Variants in RXRA observed in about 807,000 individuals in gnomAD.
RXRA encodes retinoid X receptor alpha.
A neutral mutation model predicts 44.5 loss-of-function variants in RXRA; 5 were observed. The ratio of observed to expected loss-of-function variants is 0.11; its 90% CI spans 0.06 to 0.24. The LOEUF is 0.24. Ranked by LOEUF, RXRA falls within the 10% of genes least tolerant of loss-of-function variation. The pLI is 1.00. For missense variants in RXRA, 412 were observed against 646.5 expected (o/e 0.64, Z 3.93); for synonymous variants, 291 against 271.4 (o/e 1.07, Z -0.71).
chr9:134,401,669 G>C lies in RXRA; in HGVS notation c.66G>C (p.Pro22=). ...STQVNSSLTS[P]TGRGSMAAPS... ...AGGTGAACTCCTCCCTCACCTCCCC[G>C]ACGGGGCGAGGCTCCATGGCTGCCC... is the stretch of plus-strand genomic sequence containing the variant. The change falls in exon 2 of 10, where the codon CCG becomes CCC. Residue 22 remains proline (P), a synonymous_variant. Coordinates refer to ENST00000481739, the MANE Select transcript of RXRA (RefSeq NM_002957.6). The C allele has an allele frequency of 6.2e-7, 1 of 1,612,968 alleles. No homozygotes were observed. Among genetic ancestry groups the C allele is most frequent in the Non-Finnish European group, 8.5e-7 (1 of 1,179,928 alleles).
chr9:134,341,557 G>A (rs879985162), intron 1 of RXRA, among the ~76,000 whole-genome samples: 11 of 152,162 alleles, frequency 7.2e-5, no homozygotes, highest in African/African-American at 2.7e-4. Flanking sequence ...ATAGGCCCCC[G>A]CCCTCCAGTC....
At position 134,407,631 on chromosome 9, in the gene RXRA, C is replaced by T. The variant is rs1831074965; in HGVS notation, c.280-518C>T. On this transcript the variant is annotated intron_variant, in intron 2 of 9. Coordinates refer to ENST00000481739, the MANE Select transcript of RXRA (RefSeq NM_002957.6). The surrounding 1 kb of genome is among the most constrained non-coding windows in gnomAD (Gnocchi z 4.8). ...CCTCTCCTGGGTCACGTGACCAGGG[C>T]CCCTGCCCTGCGGTGTTGTGGGGTG... Among the ~76,000 whole-genome samples the T allele has an allele frequency of 6.6e-6, 1 of 152,060 alleles. No individual in the cohort carries two copies. Among genetic ancestry groups the T allele is most frequent in the African/African-American group, 2.4e-5 (1 of 41,408 alleles).
At chr9:134,405,582 G>T (rs34662264) in intron 2 of RXRA, 15,743 of 152,414 alleles carry the variant, frequency 0.1, 2,679 homozygotes, top group African/African-American at 0.35. Context: ...TAGGCCCAAG[G>T]GACTGCACAT....
chr9:134,398,938 C>A (rs1411248765), intron 1 of RXRA, among the ~76,000 whole-genome samples: 1 of 152,244 alleles, frequency 6.6e-6, no homozygotes, highest in Non-Finnish European at 1.5e-5. Context: ...GGCTGCAAAG[C>A]CAATTTGTGC....
chr9:134,346,037 C>T (rs1830146893), intron 1 of RXRA, among the ~76,000 whole-genome samples: 1 of 152,146 alleles, frequency 6.6e-6, no homozygotes, highest in Admixed American at 6.5e-5. Context: ...GGGCAGCAGC[C>T]TAGGCCATTT....
intron 1 of RXRA, among the ~76,000 whole-genome samples, chr9:134,346,288 C>T (rs1830151062): frequency 6.6e-6 from 1 of 152,148 alleles, no homozygotes; most frequent in African/African-American, 2.4e-5. Flanking sequence ...TGCTGGGGAC[C>T]AGCTGTGCTG....
Position 134,427,063 on chromosome 9 carries a change from C to T in RXRA, c.911-2045C>T, listed in dbSNP as rs368473520. On this transcript the variant is annotated intron_variant, in intron 6 of 9. Coordinates refer to ENST00000481739, the MANE Select transcript of RXRA (RefSeq NM_002957.6). The stretch of plus-strand genomic sequence containing the variant: ...AGTCTCTGTGTGATTTGGGGCAAAC[C>T]CTTCCCCTCCCTGGGCCACAGATTA... 4.1e-6 allele frequency: 4 copies of T among 980,282 alleles called. No homozygotes were observed. The African/African-American group carries it at 5.2e-5, about 13-fold the overall frequency. The allele number at this position is 980,282 out of a possible 1,614,324, so 60.7% of individuals were successfully genotyped here. A position where few individuals can be genotyped will look rare whatever the true frequency, so the allele number is the denominator to read the frequency against.
At chr9:134,361,753 C>T (rs1438617600) in intron 1 of RXRA, among the ~76,000 whole-genome samples, 1 of 152,208 alleles carries the variant, frequency 6.6e-6, no homozygotes, top group Admixed American at 6.5e-5. Context: ...GCTTCCAGGA[C>T]TGCCTGCCAC....
chr9:134,387,091 G>C (rs1250263826), intron 1 of RXRA, among the ~76,000 whole-genome samples: 1 of 152,230 alleles, frequency 6.6e-6, no homozygotes, highest in Non-Finnish European at 1.5e-5. Context: ...TGTCGGGTGG[G>C]TGAGAGGGGA....
intron 1 of RXRA, among the ~76,000 whole-genome samples, chr9:134,360,182 GC>G (rs1029227895): frequency 5.9e-5 from 9 of 152,300 alleles, no homozygotes; most frequent in Admixed American, 3.3e-4. Flanking sequence ...CCTGGGCAGG[GC>G]CTGGAAGCTG....
intron 1 of RXRA, among the ~76,000 whole-genome samples, chr9:134,382,385 G>A (rs1315355744): frequency 6.6e-6 from 1 of 152,132 alleles, no homozygotes; most frequent in Non-Finnish European, 1.5e-5. Context: ...GGGAGACAGT[G>A]GGGGCCAGGA....
At position 134,363,118 on chromosome 9, in the gene RXRA, G is replaced by C. The variant is rs146256009; in HGVS notation, c.28+36459G>C. ...AGTAAGTTCACTTTCCCCGGGGGCT[G>C]TTGGGTGCCATGTTCTCCCTGTGCC... On this transcript the variant is annotated intron_variant, in intron 1 of 9. Coordinates refer to ENST00000481739, the MANE Select transcript of RXRA (RefSeq NM_002957.6). 8.8e-3 allele frequency among the ~76,000 whole-genome samples: 1,333 copies of C among 152,322 alleles called. 9 individuals carry two copies. The highest frequency in any genetic ancestry group is 0.015 in the Non-Finnish European group (1,005 of 68,018).
intron 1 of RXRA, among the ~76,000 whole-genome samples, chr9:134,382,850 C>T (rs771406237): frequency 7.8e-4 from 119 of 152,178 alleles, no homozygotes; most frequent in Non-Finnish European, 1.1e-3. Flanking sequence ...CTGAGAGCAG[C>T]GTTCGGCGAG....
In RXRA at chr9:134,366,640, G is replaced by A. The variant is rs901938415; in HGVS notation, c.29-34992G>A. Reference sequence around the variant, plus strand: ...TCCACTAGTGGGCTTTGGCCTCCTCGTGAGGAGCTGGGTGGGGCTGGAGAA... The same window carrying A: ...TCCACTAGTGGGCTTTGGCCTCCTCATGAGGAGCTGGGTGGGGCTGGAGAA... On this transcript the variant is annotated intron_variant, in intron 1 of 9. Coordinates refer to ENST00000481739, the MANE Select transcript of RXRA (RefSeq NM_002957.6). This position sits in a 1 kb window ranked among gnomAD's most constrained non-coding sequence, Gnocchi z 5.9. 5.3e-5 allele frequency among the ~76,000 whole-genome samples: 8 copies of A among 152,268 alleles called. No homozygotes were observed. Among genetic ancestry groups the A allele is most frequent in the African/African-American group, 1.2e-4 (5 of 41,560 alleles).
At chr9:134,350,600 T>C (rs1554749326) in intron 1 of RXRA, among the ~76,000 whole-genome samples, 1 of 152,322 alleles carries the variant, frequency 6.6e-6, no homozygotes, top group Non-Finnish European at 1.5e-5. Flanking sequence ...TGCCCTGTGC[T>C]GTGCTCACCC....
At chr9:134,411,202 T>C (rs1437794260) in intron 4 of RXRA, among the ~76,000 whole-genome samples, 1 of 152,142 alleles carries the variant, frequency 6.6e-6, no homozygotes, top group East Asian at 1.9e-4. Context: ...ACTGACTCCT[T>C]CCTAAGGCCC....
At chr9:134,418,438 A>T (rs990166727) in intron 5 of RXRA, among the ~76,000 whole-genome samples, 7 of 152,092 alleles carry the variant, frequency 4.6e-5, no homozygotes, top group African/African-American at 1.7e-4. Context: ...CGAAGACCTT[A>T]TACAGGCCGA....
At chr9:134,331,719 G>T (rs1027975811) in intron 1 of RXRA, among the ~76,000 whole-genome samples, 13 of 152,254 alleles carry the variant, frequency 8.5e-5, no homozygotes, top group Non-Finnish European at 1.9e-4. Context: ...AGTGGATGGG[G>T]ACACTGAACC....
chr9:134,413,069 C>T (rs3118529), intron 4 of RXRA, among the ~76,000 whole-genome samples: 85,027 of 152,042 alleles, frequency 0.56, 26,562 homozygotes, highest in East Asian at 0.76. Flanking sequence ...AAGGGAGCCC[C>T]GGCTGGGCTC....
Sources: gnomAD v4.1 joint callset for allele counts (sites outside exome capture counted in the v4.1 genomes callset) on GRCh38, gnomAD v4.1.1 for gene constraint, Gnocchi (gnomAD v3.1) non-coding constraint, MANE v1.5 for transcripts, NCBI Gene and HGNC (gene_info 2026-07-23, HGNC 2026-07-21) for gene names.